The following KLF17 variants were observed in gnomAD, a reference collection of about 807,000 sequenced individuals.
KLF17 encodes KLF transcription factor 17.
Under a neutral mutation model 34.2 loss-of-function variants are expected in KLF17, and 31 were observed. That is an observed-to-expected ratio of 0.91 (90% confidence interval 0.68 to 1.22). KLF17 has a LOEUF of 1.22. Among genes scored for constraint, KLF17 ranks in the 50% most tolerant of loss-of-function variants. KLF17 has a pLI of 0.00. For missense variants in KLF17, 478 were observed against 505.2 expected (o/e 0.95, Z 0.52); for synonymous variants, 179 against 186.7 (o/e 0.96, Z 0.34).
chr1:44,063,790 A>G, the KLF17 span, among the ~76,000 whole-genome samples: 1 of 152,224 alleles, frequency 6.6e-6, no homozygotes, highest in African/African-American at 2.4e-5. Flanking sequence ...ACCTATAGTT[A>G]ATAAAAGTTA....
chr1:44,121,802 C>T (rs2087948789), intron 1 of KLF17, among the ~76,000 whole-genome samples: 1 of 152,196 alleles, frequency 6.6e-6, no homozygotes, highest in East Asian at 1.9e-4. Flanking sequence ...TCAGGAGACA[C>T]ATCTGGCTAC....
chr1:44,118,714 G>A (rs2087908354), upstream of KLF17: 7 of 450,408 alleles, frequency 1.6e-5, no homozygotes, highest in South Asian at 2.2e-4. Flanking sequence ...GTGAGGGTGG[G>A]TGGCAGCCTG....
chr1:44,077,632 C>T, the KLF17 span, among the ~76,000 whole-genome samples: 1 of 152,156 alleles, frequency 6.6e-6, no homozygotes, highest in Non-Finnish European at 1.5e-5. Flanking sequence ...GTGGTTGATG[C>T]TGACTATTGT....
the KLF17 span, chr1:44,043,978 G>A: frequency 6.5e-6 from 1 of 152,856 alleles, no homozygotes; most frequent in Non-Finnish European, 1.5e-5. Context: ...GGTGGGGGAG[G>A]GGCTAAAGAC....
chr1:44,065,293 A>T, the KLF17 span, among the ~76,000 whole-genome samples: 1 of 152,144 alleles, frequency 6.6e-6, no homozygotes, highest in African/African-American at 2.4e-5. Context: ...ATCTAAAAAA[A>T]AAAAAGAGAG....
At chr1:44,074,711 T>C in the KLF17 span, 1 of 152,254 alleles carries the variant, frequency 6.6e-6, no homozygotes, top group Admixed American at 6.5e-5. Context: ...AGTATGCTTT[T>C]ACAAATATTG....
rs528822188 is a variant in KLF17 at position 44,128,969 on chromosome 1, G to A, written c.82-384G>A. ...AGAGGTCGTGGTGAGCCAAGATCAC[G>A]CCATTGCACTCCAGCCTGGGCAACA... On this transcript the variant is annotated intron_variant, in intron 1 of 3. Coordinates refer to ENST00000372299, the MANE Select transcript of KLF17 (RefSeq NM_173484.4). 9.9e-5 allele frequency among the ~76,000 whole-genome samples: 15 copies of A among 151,818 alleles called. No homozygotes were observed. In the East Asian group the frequency reaches 2.1e-3, roughly 22 times the overall value.
rs150100999 is a variant in KLF17 at position 44,129,574 on chromosome 1, C to T, written c.303C>T (p.Cys101=). The T allele has an allele frequency of 4.5e-5, 72 of 1,614,008 alleles. No individual in the cohort carries two copies. The African/African-American group carries it at 8.9e-4, about 20-fold the overall frequency. The change falls in exon 2 of 4, where the codon TGC becomes TGT. Residue 101 remains cysteine, a synonymous_variant. Coordinates refer to ENST00000372299, the MANE Select transcript of KLF17 (RefSeq NM_173484.4). The part of the protein sequence containing the change: ...MPLPERGMSY[C]PQATLTPSRM... ...TGCCTGAGCGTGGTATGAGCTACTG[C>T]CCCCAAGCGACTCTCACTCCTTCCC...
At chr1:44,074,732 A>T in the KLF17 span, 3 of 152,232 alleles carry the variant, frequency 2.0e-5, 1 homozygote, top group Admixed American at 1.3e-4. Flanking sequence ...GCATTATCAC[A>T]AGCATTGCGA....
At chr1:44,115,303 T>A (rs1253989264), upstream of KLF17, 27 of 151,810 alleles carry the variant, frequency 1.8e-4, no homozygotes, top group Admixed American at 1.8e-3. Flanking sequence ...ACAAAAAAAT[T>A]AGCCAAGAGT....
At chr1:44,103,644 A>C in the KLF17 span, 1 of 1,610,376 alleles carries the variant, frequency 6.2e-7, no homozygotes, top group Non-Finnish European at 8.5e-7. Flanking sequence ...CTTGACGTTC[A>C]TCAGCTCCTA....
At chr1:44,098,549 CTTTTTTT>C in the KLF17 span, among the ~76,000 whole-genome samples, 4 of 118,972 alleles carry the variant, frequency 3.4e-5, no homozygotes, top group African/African-American at 9.1e-5. Flanking sequence ...ACTCATATTT[CTTTTTTT>C]TTTTTTTTTT....
the KLF17 span, among the ~76,000 whole-genome samples, chr1:44,077,929 G>T: frequency 3.3e-5 from 5 of 152,202 alleles, no homozygotes; most frequent in Non-Finnish European, 7.3e-5. Flanking sequence ...CGTGGAATTG[G>T]AGTTATTGTT....
chr1:44,118,820 C>A (rs1283541472), upstream of KLF17: 7 of 932,800 alleles, frequency 7.5e-6, no homozygotes, highest in Non-Finnish European at 9.4e-6. Context: ...GTGATTGTGG[C>A]GTGGCGATGT....
chr1:44,105,501 G>A, the KLF17 span: 1 of 152,174 alleles, frequency 6.6e-6, no homozygotes, highest in South Asian at 2.1e-4. Flanking sequence ...AAACAGCAGT[G>A]TGGCCTGGGA....
chr1:44,074,124 A>G, the KLF17 span, among the ~76,000 whole-genome samples: 1 of 151,470 alleles, frequency 6.6e-6, no homozygotes, highest in Non-Finnish European at 1.5e-5. Flanking sequence ...TATAACTCAC[A>G]TCTCTTCCCA....
the KLF17 span, among the ~76,000 whole-genome samples, chr1:44,050,638 C>T: frequency 6.6e-5 from 10 of 152,180 alleles, no homozygotes; most frequent in African/African-American, 2.2e-4. Flanking sequence ...TTTTCTTGGC[C>T]GGCCACAGTG....
chr1:44,048,033 T>C, the KLF17 span: 1 of 149,598 alleles, frequency 6.7e-6, no homozygotes, highest in Non-Finnish European at 1.5e-5. Flanking sequence ...TGTGTGTGTG[T>C]GTGTGTGCAC....
the KLF17 span, among the ~76,000 whole-genome samples, chr1:44,084,190 T>C: frequency 6.6e-6 from 1 of 152,242 alleles, no homozygotes; most frequent in Non-Finnish European, 1.5e-5. Flanking sequence ...TTTTGGTCGA[T>C]ACATTTTAAC....
Sources: allele counts gnomAD v4.1 joint callset (sites outside exome capture counted in the v4.1 genomes callset), GRCh38; gene constraint gnomAD v4.1.1; transcripts MANE v1.5; gene names NCBI Gene and HGNC (gene_info 2026-07-23, HGNC 2026-07-21).